Variants in PCDH9 observed in about 807,000 individuals in gnomAD.
The protein encoded by PCDH9 is protocadherin-9.
In PCDH9, 24 loss-of-function variants were observed where a neutral mutation model predicts 70.6. That is an observed-to-expected ratio of 0.34 (90% CI 0.25 to 0.48). The LOEUF is 0.48. Ranked by LOEUF, PCDH9 falls within the 20% of genes least tolerant of loss-of-function variation. The pLI is 0.99. For synonymous variants in PCDH9, 562 were observed against 558.5 expected, an observed-to-expected ratio of 1.01 and a Z score of -0.09; for missense variants, 1,281 against 1,503.6, an observed-to-expected ratio of 0.85 and a Z score of 2.45.
chr13:66,352,806 A>T (rs995566056), intron 4 of PCDH9, among the ~76,000 whole-genome samples: 17 of 152,198 alleles, frequency 1.1e-4, no homozygotes, highest in Non-Finnish European at 2.2e-4. Flanking sequence ...AATAGCTAAA[A>T]GTGTTTCCAG....
chr13:66,456,058 T>C (rs1958311531), intron 4 of PCDH9, among the ~76,000 whole-genome samples: 1 of 152,154 alleles, frequency 6.6e-6, no homozygotes, highest in South Asian at 2.1e-4. Context: ...TATTTGAAAA[T>C]ATTATGTAGT....
At chr13:66,957,379 G>A (rs188273783) in intron 2 of PCDH9, among the ~76,000 whole-genome samples, 384 of 152,204 alleles carry the variant, frequency 2.5e-3, no homozygotes, top group Non-Finnish European at 3.3e-3. Context: ...CTGCAAATGC[G>A]ATGCCTGTTG....
intron 3 of PCDH9, among the ~76,000 whole-genome samples, chr13:66,665,177 C>T (rs1479945082): frequency 6.6e-6 from 1 of 151,134 alleles, no homozygotes; most frequent in Admixed American, 6.6e-5. Context: ...TGAGACCTCG[C>T]CTCACTACAA....
At chr13:66,361,952 C>T (rs974249747) in intron 4 of PCDH9, among the ~76,000 whole-genome samples, 6 of 152,084 alleles carry the variant, frequency 3.9e-5, no homozygotes, top group African/African-American at 1.4e-4. Context: ...ATAAAACAAT[C>T]TCTTACTAAT....
intron 4 of PCDH9, among the ~76,000 whole-genome samples, chr13:66,476,274 T>C (rs563310584): frequency 1.9e-4 from 28 of 148,784 alleles, no homozygotes; most frequent in African/African-American, 3.0e-4. Context: ...CCACCACTTA[T>C]CTGAAGGCTC....
At chr13:66,359,163 A>G (rs2138189352) in intron 4 of PCDH9, among the ~76,000 whole-genome samples, 1 of 152,164 alleles carries the variant, frequency 6.6e-6, no homozygotes, top group African/African-American at 2.4e-5. Context: ...CGATTTTGTT[A>G]CCTAAAGTTT....
At chr13:67,216,552 T>A (rs1038901054) in intron 2 of PCDH9, 1 of 150,912 alleles carries the variant, frequency 6.6e-6, no homozygotes, top group Admixed American at 6.6e-5. Flanking sequence ...TAAGAAAAAC[T>A]CAATACAAAA....
At chr13:66,615,570 C>G (rs1413489540) in intron 4 of PCDH9, among the ~76,000 whole-genome samples, 4 of 152,188 alleles carry the variant, frequency 2.6e-5, no homozygotes, top group Non-Finnish European at 5.9e-5. Context: ...AAAACTTTAG[C>G]AGGTGCTCTC....
At chr13:66,503,563 G>A (rs563881920) in intron 4 of PCDH9, among the ~76,000 whole-genome samples, 2 of 152,212 alleles carry the variant, frequency 1.3e-5, no homozygotes, top group Admixed American at 6.5e-5. Context: ...AAGATATTGA[G>A]TTTTGAATAA....
chr13:66,743,660 T>C (rs983674381), intron 3 of PCDH9, among the ~76,000 whole-genome samples: 8 of 152,120 alleles, frequency 5.3e-5, no homozygotes, highest in African/African-American at 1.7e-4. Flanking sequence ...GTTCTCACTA[T>C]AAAAACAAAT....
intron 4 of PCDH9, among the ~76,000 whole-genome samples, chr13:66,466,313 C>T (rs917954986): frequency 1.3e-5 from 2 of 151,948 alleles, no homozygotes; most frequent in African/African-American, 2.4e-5. Flanking sequence ...CCATTCTTGA[C>T]TTCTAGTCTC....
At position 67,042,149 on chromosome 13, in the gene PCDH9, G is replaced by A. The variant is rs564793754; in HGVS notation, c.3037-138544C>T. 2.4e-4 allele frequency among the ~76,000 whole-genome samples: 36 copies of A among 152,206 alleles called. 1 individual carries two copies. The South Asian group carries it at 3.3e-3, about 14-fold the overall frequency. ...ATTCCACAAGCATGGGGCTTGTAGC[G>A]TGAAAGAGAAGTACAGTTGTATAGT... On this transcript the variant is annotated intron_variant, in intron 2 of 4. Transcript: ENST00000377865.
At chr13:66,978,539 AT>A (rs1386909857) in intron 2 of PCDH9, 3 of 151,690 alleles carry the variant, frequency 2.0e-5, no homozygotes, top group Non-Finnish European at 4.4e-5. Flanking sequence ...ATATGCTCCT[AT>A]TTTAGTTTTT....
chr13:66,969,216 C>T (rs2083477851), intron 2 of PCDH9, among the ~76,000 whole-genome samples: 1 of 151,932 alleles, frequency 6.6e-6, no homozygotes, highest in Non-Finnish European at 1.5e-5. Flanking sequence ...TTGCAACGCA[C>T]CTAATTTTCA....
At chr13:66,365,998 G>C (rs1956548149) in intron 4 of PCDH9, among the ~76,000 whole-genome samples, 1 of 151,944 alleles carries the variant, frequency 6.6e-6, no homozygotes, top group African/African-American at 2.4e-5. Context: ...TTGCAAATAT[G>C]AAAAGTATCT....
At chr13:67,228,608 T>C (rs1366774582) in intron 1 of PCDH9, 33 bp from the exon 2 acceptor site, 1 of 471,266 alleles carries the variant, frequency 2.1e-6, no homozygotes, top group African/African-American at 2.0e-5. Flanking sequence ...AATATTATTC[T>C]TCAGTAAATA....
chr13:66,567,398 G>A (rs1312828091), intron 4 of PCDH9, among the ~76,000 whole-genome samples: 1 of 152,084 alleles, frequency 6.6e-6, no homozygotes, highest in African/African-American at 2.4e-5. Flanking sequence ...TCTGACACTT[G>A]TCTTCTTTCT....
At chr13:66,459,938 C>G (rs556197111) in intron 4 of PCDH9, among the ~76,000 whole-genome samples, 1 of 151,810 alleles carries the variant, frequency 6.6e-6, no homozygotes, top group African/African-American at 2.4e-5. Flanking sequence ...CTAAGCCCCA[C>G]CCCCAGTTTA....
intron 4 of PCDH9, among the ~76,000 whole-genome samples, chr13:66,387,043 C>G (rs770917519): frequency 6.6e-6 from 1 of 152,018 alleles, no homozygotes; most frequent in Non-Finnish European, 1.5e-5. Context: ...TTACAATAAC[C>G]ATTTACTCTT....
Sources: gnomAD v4.1 joint callset for allele counts (sites outside exome capture counted in the v4.1 genomes callset) on GRCh38, gnomAD v4.1.1 for gene constraint, MANE v1.5 for transcripts, NCBI Gene and HGNC (gene_info 2026-07-23, HGNC 2026-07-21) for gene names.